Variants in L3MBTL2 observed in about 807,000 individuals in gnomAD.
L3MBTL2 encodes lethal(3)malignant brain tumor-like protein 2.
A neutral mutation model predicts 86.4 loss-of-function variants in L3MBTL2; 49 were observed. The observed-to-expected ratio is 0.57, with a 90% confidence interval of 0.45 to 0.72. The LOEUF is 0.72. L3MBTL2 is among the 30% of genes least tolerant of loss of function. L3MBTL2 has a pLI of 0.00. For missense variants in L3MBTL2, 755 were observed against 923.7 expected (o/e 0.82, Z 2.37); for synonymous variants, 336 against 350.6 (o/e 0.96, Z 0.47).
rs759948561 is a variant in L3MBTL2 at position 41,221,231 on chromosome 22, T to C, written c.886T>C (p.Tyr296His). The stretch of plus-strand genomic sequence containing the variant: ...TGCCAAGTTCACCGACTGGAAGGGC[T>C]ACCTCATGAAACGGCTGGTGGGCTC... ...IHAKFTDWKG[Y>H]LMKRLVGSRT... is the part of the protein sequence containing the mutation. The change falls in exon 8 of 17, where the codon TAC becomes CAC. Residue 296 changes from tyrosine to histidine, a missense_variant. By Grantham distance (83) the Tyr-to-His change is moderately conservative. This residue lies in a region of L3MBTL2 where 634 missense variants were observed against 748.9 expected (regional missense o/e 0.85). Transcript: ENST00000216237. 3.2e-6 allele frequency: 5 copies of C among 1,551,464 alleles called. No individual in the cohort carries two copies. The Admixed American group carries it at 9.8e-5, about 30-fold the overall frequency.
Position 41,224,093 on chromosome 22 carries a change from G to A in L3MBTL2, c.1016G>A (p.Arg339His), listed in dbSNP as rs1411607374. The A allele has an allele frequency of 5.6e-6, 9 of 1,614,064 alleles. No homozygotes were observed. The highest frequency in any genetic ancestry group is 1.3e-5 in the African/African-American group (1 of 74,932). The change falls in exon 9 of 17, where the codon CGC becomes CAC. Residue 339 changes from arginine (R) to histidine (H), a missense_variant. By Grantham distance (29) the Arg-to-His change is conservative. Transcript: ENST00000216237. The surrounding 1 kb of genome is among the most constrained non-coding windows in gnomAD (Gnocchi z 4.9). ...GTGGTGGACAAGTCCCAGGTGTCAC[G>A]CACTCGCATGGCTGTGGTGGACACA... The part of the protein sequence containing the change: ...LEVVDKSQVS[R>H]TRMAVVDTVI...
rs1569152249 is a variant in L3MBTL2 at position 41,227,151 on chromosome 22, C to T, written c.1650C>T (p.Pro550=). 3 of 1,613,612 alleles carry T rather than the reference C, an allele frequency of 1.9e-6. No homozygotes were observed. The highest frequency in any genetic ancestry group is 1.1e-5 in the South Asian group (1 of 91,070). The part of the protein sequence containing the change: ...MKLEAVDLME[P]RLICVATVKR... ...TGGAGGCCGTGGACCTGATGGAGCC[C>T]CGGCTCATCTGTGTGGCCACGGTGA... The change falls in exon 14 of 17, where the codon CCC becomes CCT. Residue 550 remains proline (P), a synonymous_variant. Coordinates refer to ENST00000216237, the MANE Select transcript of L3MBTL2 (RefSeq NM_031488.5). The surrounding 1 kb of genome is among the most constrained non-coding windows in gnomAD (Gnocchi z 6.0).
intron 8 of L3MBTL2, 179 bp downstream of exon 8, chr22:41,221,466 G>A: frequency 1.6e-6 from 1 of 615,162 alleles, no homozygotes; most frequent in Non-Finnish European, 2.9e-6. Flanking sequence ...TGCCTTTCTA[G>A]CCTGGCGTCG....
At position 41,225,167 on chromosome 22, in the gene L3MBTL2, T is replaced by C. The variant is rs1325996782; in HGVS notation, c.1356+96T>C. On this transcript the variant is annotated intron_variant, in intron 11 of 16. Coordinates refer to ENST00000216237, the MANE Select transcript of L3MBTL2 (RefSeq NM_031488.5). This position sits in a 1 kb window ranked among gnomAD's most constrained non-coding sequence, Gnocchi z 4.1. Reference sequence around the variant, plus strand: ...CCCCACTCGCCACCGTCAGGGGGTCTGTGTCCCAGCCTCTCATCACTGGCT... The same window carrying C: ...CCCCACTCGCCACCGTCAGGGGGTCCGTGTCCCAGCCTCTCATCACTGGCT... The C allele has an allele frequency of 4.2e-6, 4 of 942,958 alleles. No individual in the cohort carries two copies. Among genetic ancestry groups the C allele is most frequent in the Non-Finnish European group, 4.8e-6 (3 of 623,414 alleles). The allele number at this position is 942,958 out of a possible 1,614,324, so 58.4% of individuals were successfully genotyped here. A position where few individuals can be genotyped will look rare whatever the true frequency, so the allele number is the denominator to read the frequency against.
chr22:41,226,603 C>A, intron 12 of L3MBTL2, 59 bp from the exon 13 acceptor site: 1 of 1,227,526 alleles, frequency 8.1e-7, no homozygotes, highest in Non-Finnish European at 1.2e-6. Context: ...GTGTCCTTTC[C>A]TCCTGCCCAC....
At position 41,230,511 on chromosome 22, in the gene L3MBTL2, C is replaced by A; in HGVS notation, c.*260C>A. On this transcript the variant is annotated 3_prime_UTR_variant, in exon 17 of 17. Coordinates refer to ENST00000216237, the MANE Select transcript of L3MBTL2 (RefSeq NM_031488.5). Reference sequence around the variant, plus strand: ...CTCGTCTGTGAACCACCTTTTCCAGCCAGAGTTCCCAAAGCTGGAACGCTA... The same window carrying A: ...CTCGTCTGTGAACCACCTTTTCCAGACAGAGTTCCCAAAGCTGGAACGCTA... The A allele has an allele frequency of 4.3e-6, 2 of 467,480 alleles. No homozygotes were observed. Among genetic ancestry groups the A allele is most frequent in the African/African-American group, 2.0e-5 (1 of 50,036 alleles). The allele number at this position is 467,480 out of a possible 1,614,324, so 29.0% of individuals were successfully genotyped here. A position where few individuals can be genotyped will look rare whatever the true frequency, so the allele number is the denominator to read the frequency against.
rs1429948447 is a variant in L3MBTL2, at chr22:41,227,683, T to A, written c.1823-121T>A. The stretch of plus-strand genomic sequence containing the variant: ...CCGCCCTCTCCTCATTGCCCAGGTT[T>A]GGCTTCCTGTCTTGGGGTGTCTCGT... On this transcript the variant is annotated intron_variant, in intron 14 of 16. Coordinates refer to ENST00000216237, the MANE Select transcript of L3MBTL2 (RefSeq NM_031488.5). The surrounding 1 kb of genome is among the most constrained non-coding windows in gnomAD (Gnocchi z 6.0). 5 of 1,584,876 alleles carry A rather than the reference T, an allele frequency of 3.2e-6. No individual in the cohort carries two copies. Among genetic ancestry groups the A allele is most frequent in the Non-Finnish European group, 4.3e-6 (5 of 1,164,916 alleles).
At chr22:41,206,236 C>T (rs1771112871) in intron 1 of L3MBTL2, 1 of 152,102 alleles carries the variant, frequency 6.6e-6, no homozygotes, top group Non-Finnish European at 1.5e-5. Context: ...GTCTGCTTCA[C>T]CTCGGCCTCC....
chr22:41,213,797 TG>T, intron 2 of L3MBTL2, 95 bp from the exon 3 acceptor site: 1 of 1,384,712 alleles, frequency 7.2e-7, no homozygotes, highest in Non-Finnish European at 1.0e-6. Flanking sequence ...GGGGCTCACC[TG>T]GTTAATGCAG....
At chr22:41,205,557 C>T (rs2030141303) in intron 1 of L3MBTL2, among the ~76,000 whole-genome samples, 171 bp downstream of exon 1, 1 of 152,108 alleles carries the variant, frequency 6.6e-6, no homozygotes, top group African/African-American at 2.4e-5. Context: ...TACTTTTTGC[C>T]CCTCTCCTGC....
At chr22:41,229,790 G>T in intron 16 of L3MBTL2, 134 bp downstream of exon 16, 2 of 1,447,118 alleles carry the variant, frequency 1.4e-6, no homozygotes, top group Non-Finnish European at 1.9e-6. Context: ...AAGCAGTCCT[G>T]TACCACTGGA....
chr22:41,229,744 A>T (rs974976283), intron 16 of L3MBTL2, 88 bp downstream of exon 16: 8 of 1,606,912 alleles, frequency 5.0e-6, no homozygotes, highest in Non-Finnish European at 6.8e-6. Context: ...GGCACAGAAG[A>T]GTAGAGTCAG....
chr22:41,213,825 G>A, intron 2 of L3MBTL2, 68 bp from the exon 3 acceptor site: 2 of 1,577,912 alleles, frequency 1.3e-6, no homozygotes, highest in Non-Finnish European at 1.7e-6. Flanking sequence ...AGGTTTTGAA[G>A]GGCCCATCAC....
At chr22:41,221,316 C>T in intron 8 of L3MBTL2, 29 bp downstream of exon 8, 2 of 1,515,536 alleles carry the variant, frequency 1.3e-6, no homozygotes, top group Non-Finnish European at 1.8e-6. Flanking sequence ...ACTGATGTGC[C>T]TCCTTCCGCT....
Position 41,216,176 on chromosome 22 carries a change from AG to A in L3MBTL2, c.436del (p.Ala146LeufsTer40). The A allele has an allele frequency of 6.2e-7, 1 of 1,614,124 alleles. No individual in the cohort carries two copies. Among genetic ancestry groups the A allele is most frequent in the Non-Finnish European group, 8.5e-7 (1 of 1,180,010 alleles). Reference sequence around the variant, plus strand: ...ACCAAAAAAGCCAAAGTCCTGCACAAGGCTGCCTGGTCTGCCAAAATTGGAG... The same window carrying A: ...ACCAAAAAAGCCAAAGTCCTGCACAAGCTGCCTGGTCTGCCAAAATTGGAG... ...PPTKKAKVLH[K>X]AAWSAKIGAF... On this transcript the variant is annotated frameshift_variant, in exon 4 of 17. Transcript: ENST00000216237. LOFTEE classifies it high-confidence loss of function.
chr22:41,210,111 C>A, intron 2 of L3MBTL2, 178 bp downstream of exon 2: 2 of 510,988 alleles, frequency 3.9e-6, no homozygotes, highest in Non-Finnish European at 6.5e-6. Context: ...CAAGTAGCCA[C>A]TGTGTTAACT....
At chr22:41,217,414 C>CT (rs2031474337) in intron 5 of L3MBTL2, 1 of 553,748 alleles carries the variant, frequency 1.8e-6, no homozygotes, top group Non-Finnish European at 3.2e-6. Context: ...CACTCCCGGT[C>CT]TGAAGCCCTT....
chr22:41,221,119 C>CA, intron 7 of L3MBTL2, 80 bp from the exon 8 acceptor site: 1 of 1,330,952 alleles, frequency 7.5e-7, no homozygotes, highest in Admixed American at 2.4e-5. Flanking sequence ...GAGGGGTCCC[C>CA]ACTCTGGGTC....
intron 5 of L3MBTL2, chr22:41,218,170 G>A (rs1255467779): frequency 1.3e-5 from 2 of 152,252 alleles, no homozygotes; most frequent in Non-Finnish European, 2.9e-5. Context: ...AGTGACCAGG[G>A]AGATGGAATG....
Sources: gnomAD v4.1 joint callset for allele counts (sites outside exome capture counted in the v4.1 genomes callset) on GRCh38, gnomAD v4.1.1 for gene constraint, gnomAD v4.1.1 regional missense constraint, Gnocchi (gnomAD v3.1) non-coding constraint, MANE v1.5 for transcripts, NCBI Gene and HGNC (gene_info 2026-07-23, HGNC 2026-07-21) for gene names.